CCBE1: variants seen among roughly 807,000 people sequenced by gnomAD.
The protein encoded by CCBE1 is collagen and calcium binding EGF domains 1, also known as collagen and calcium-binding EGF domain-containing protein 1.
A neutral mutation model predicts 50.0 loss-of-function variants in CCBE1; 37 were observed. That is an observed-to-expected ratio of 0.74 (90% CI 0.57 to 0.97). The LOEUF is 0.97. CCBE1 is among the 50% of genes least tolerant of loss of function. The pLI is 0.00. For missense variants in CCBE1, 538 were observed against 523.8 expected (o/e 1.03, Z -0.26); for synonymous variants, 234 against 203.7 (o/e 1.15, Z -1.27).
intron 2 of CCBE1, among the ~76,000 whole-genome samples, chr18:59,633,838 A>C (rs1329009266): frequency 3.9e-5 from 6 of 152,170 alleles, no homozygotes; most frequent in Non-Finnish European, 8.8e-5. Context: ...AACATAAGTG[A>C]CAAATTTTAT....
intron 2 of CCBE1, among the ~76,000 whole-genome samples, chr18:59,695,453 G>T (rs1260624845): frequency 6.6e-6 from 1 of 152,144 alleles, no homozygotes; most frequent in Non-Finnish European, 1.5e-5. Flanking sequence ...CCAAGAGAAA[G>T]GAGCCTTTCC....
chr18:59,602,697 C>A (rs1249872082), intron 2 of CCBE1, among the ~76,000 whole-genome samples: 1 of 152,034 alleles, frequency 6.6e-6, no homozygotes, highest in Non-Finnish European at 1.5e-5. Context: ...TTATGGGAAG[C>A]CTTGAGGCAT....
At position 59,596,918 on chromosome 18, in the gene CCBE1, G is replaced by C. The variant is rs138326656; in HGVS notation, c.212+99711C>G. Among the ~76,000 whole-genome samples the C allele has an allele frequency of 7.0e-3, 1,066 of 152,332 alleles. 10 individuals are homozygous for C. The highest frequency in any genetic ancestry group is 0.024 in the African/African-American group (980 of 41,554). Reference sequence around the variant, plus strand: ...AAAGACAGTACCAGGAGAACATGTGGATGGCTAAATGCCAATGGACCAACA... The same window carrying C: ...AAAGACAGTACCAGGAGAACATGTGCATGGCTAAATGCCAATGGACCAACA... On this transcript the variant is annotated intron_variant, in intron 2 of 10. Coordinates refer to ENST00000439986, the MANE Select transcript of CCBE1 (RefSeq NM_133459.4).
intron 2 of CCBE1, among the ~76,000 whole-genome samples, chr18:59,518,688 A>G (rs1914475787): frequency 6.6e-6 from 1 of 152,142 alleles, no homozygotes; most frequent in African/African-American, 2.4e-5. Context: ...CTTGCAGCAG[A>G]CACTATTGGG....
At chr18:59,683,104 T>C (rs539862891) in intron 2 of CCBE1, among the ~76,000 whole-genome samples, 30 of 152,340 alleles carry the variant, frequency 2.0e-4, no homozygotes, top group Non-Finnish European at 3.7e-4. Context: ...ATAAAAGTGC[T>C]TTCCCCTCAT....
At chr18:59,611,470 C>T (rs1400419439) in intron 2 of CCBE1, among the ~76,000 whole-genome samples, 1 of 152,180 alleles carries the variant, frequency 6.6e-6, no homozygotes, top group African/African-American at 2.4e-5. Flanking sequence ...TCGGGCCAGG[C>T]ACAGTGGCTC....
chr18:59,651,564 T>TG (rs1355554642), intron 2 of CCBE1, among the ~76,000 whole-genome samples: 1 of 152,240 alleles, frequency 6.6e-6, no homozygotes, highest in Non-Finnish European at 1.5e-5. Flanking sequence ...GTGTTAGCTA[T>TG]GGCTCAGCAG....
At chr18:59,476,413 C>T (rs1353741507) in intron 3 of CCBE1, among the ~76,000 whole-genome samples, 2 of 152,160 alleles carry the variant, frequency 1.3e-5, no homozygotes, top group African/African-American at 4.8e-5. Flanking sequence ...TGAGATCATC[C>T]TATCACCTGG....
intron 2 of CCBE1, among the ~76,000 whole-genome samples, chr18:59,549,080 G>A (rs1259695305): frequency 8.1e-6 from 1 of 123,032 alleles, no homozygotes; most frequent in Non-Finnish European, 1.6e-5. Context: ...TCCAGCCTGG[G>A]CAACAGAATA....
intron 2 of CCBE1, among the ~76,000 whole-genome samples, chr18:59,628,759 T>G (rs909670946): frequency 6.6e-6 from 1 of 152,178 alleles, no homozygotes; most frequent in Non-Finnish European, 1.5e-5. Flanking sequence ...TCCTCTCAAG[T>G]GGAACAAAAT....
chr18:59,564,214 T>G (rs541439948), intron 2 of CCBE1, among the ~76,000 whole-genome samples: 1 of 152,342 alleles, frequency 6.6e-6, no homozygotes, highest in East Asian at 1.9e-4. Context: ...AATACAAAGT[T>G]ACACAAAATT....
At chr18:59,650,458 C>T (rs370494578) in intron 2 of CCBE1, among the ~76,000 whole-genome samples, 33 of 151,546 alleles carry the variant, frequency 2.2e-4, no homozygotes, top group African/African-American at 6.5e-4. Flanking sequence ...AAACTCCCAA[C>T]GTGACTGGGT....
chr18:59,483,642 T>C (rs1311587247), intron 2 of CCBE1, among the ~76,000 whole-genome samples: 1 of 152,178 alleles, frequency 6.6e-6, no homozygotes, highest in Non-Finnish European at 1.5e-5. Flanking sequence ...TTATGAAAAG[T>C]TCATACAATT....
At chr18:59,672,671 A>G (rs537595287) in intron 2 of CCBE1, among the ~76,000 whole-genome samples, 1 of 152,236 alleles carries the variant, frequency 6.6e-6, no homozygotes. Context: ...TTCTCTAATG[A>G]GCCTTGCCCA....
chr18:59,450,480 C>G (rs1910879350), intron 6 of CCBE1, among the ~76,000 whole-genome samples: 1 of 152,156 alleles, frequency 6.6e-6, no homozygotes. Flanking sequence ...CTTAGCCAGT[C>G]TGCTTCCAGA....
At chr18:59,540,837 GT>G (rs1427497457) in intron 2 of CCBE1, among the ~76,000 whole-genome samples, 3 of 152,146 alleles carry the variant, frequency 2.0e-5, no homozygotes, top group Non-Finnish European at 4.4e-5. Flanking sequence ...TTAATGTCTT[GT>G]CTTTACAGAA....
chr18:59,589,458 A>G lies in CCBE1; in HGVS notation c.212+107171T>C, dbSNP rs549152998. ...CAATATCACACGATAATATCGACGTAAAACTCCAAAAGACAATAACAGAAT... is the reference window on the plus strand; with the variant it reads ...CAATATCACACGATAATATCGACGTGAAACTCCAAAAGACAATAACAGAAT... On this transcript the variant is annotated intron_variant, in intron 2 of 10. Coordinates refer to ENST00000439986, the MANE Select transcript of CCBE1 (RefSeq NM_133459.4). Among the ~76,000 whole-genome samples the G allele has an allele frequency of 1.2e-4, 18 of 152,322 alleles. No homozygotes were observed. In the South Asian group the frequency reaches 2.5e-3, roughly 21 times the overall value.
intron 2 of CCBE1, among the ~76,000 whole-genome samples, chr18:59,622,355 G>T (rs573262708): frequency 6.6e-6 from 1 of 152,164 alleles, no homozygotes; most frequent in Non-Finnish European, 1.5e-5. Context: ...AGTTAGCTGG[G>T]TGTGGTGGCG....
At chr18:59,502,326 C>G (rs117971152) in intron 2 of CCBE1, among the ~76,000 whole-genome samples, 1 of 152,314 alleles carries the variant, frequency 6.6e-6, no homozygotes, top group East Asian at 1.9e-4. Context: ...CCTGGTGGGA[C>G]ACAGGCACGG....
Sources: allele counts gnomAD v4.1 joint callset (sites outside exome capture counted in the v4.1 genomes callset), GRCh38; gene constraint gnomAD v4.1.1; transcripts MANE v1.5; gene names NCBI Gene and HGNC (gene_info 2026-07-23, HGNC 2026-07-21).